Variants in TNFAIP8 observed in about 807,000 individuals in gnomAD.
TNFAIP8 encodes tumor necrosis factor alpha-induced protein 8.
A neutral mutation model predicts 13.3 loss-of-function variants in TNFAIP8; 7 were observed. The ratio of observed to expected loss-of-function variants is 0.52; its 90% confidence interval spans 0.30 to 0.99. The LOEUF (loss-of-function observed/expected upper bound fraction) is 0.99, where lower values mean the gene tolerates loss of function less well. Among genes scored for constraint, TNFAIP8 ranks in the 50% least tolerant of loss-of-function variants. The pLI is 0.07. For missense variants in TNFAIP8, 258 were observed against 236.9 expected (o/e 1.09, Z -0.58); for synonymous variants, 94 against 87.6 (o/e 1.07, Z -0.41).
At chr5:119,297,411 C>T (rs1419271136) in intron 1 of TNFAIP8, among the ~76,000 whole-genome samples, 3 of 151,876 alleles carry the variant, frequency 2.0e-5, no homozygotes, top group East Asian at 1.9e-4. Context: ...TGTAGTTGAG[C>T]GGTTTTGAGT....
At chr5:119,331,854 T>C (rs543447065) in intron 1 of TNFAIP8, among the ~76,000 whole-genome samples, 30 of 152,320 alleles carry the variant, frequency 2.0e-4, no homozygotes, top group African/African-American at 7.0e-4. Context: ...TTCCACTGTT[T>C]AGATGCAGTA....
chr5:119,344,036 A>G (rs1354444673), intron 1 of TNFAIP8, among the ~76,000 whole-genome samples: 2 of 152,192 alleles, frequency 1.3e-5, no homozygotes, highest in East Asian at 3.8e-4. Context: ...ACTCACTTGC[A>G]TTGCCATTGC....
chr5:119,333,801 G>C (rs976064053), intron 1 of TNFAIP8, among the ~76,000 whole-genome samples: 1 of 152,158 alleles, frequency 6.6e-6, no homozygotes, highest in African/African-American at 2.4e-5. Flanking sequence ...TTTTGCTATG[G>C]CTCTGGGTGT....
intron 1 of TNFAIP8, among the ~76,000 whole-genome samples, chr5:119,281,985 G>GT (rs754273395): frequency 1.6e-4 from 24 of 152,136 alleles, no homozygotes; most frequent in Non-Finnish European, 3.5e-4. Context: ...TTCTTCTGAC[G>GT]TAAACTATTG....
chr5:119,378,039 A>C (rs561751642), intron 1 of TNFAIP8, among the ~76,000 whole-genome samples: 1 of 152,324 alleles, frequency 6.6e-6, no homozygotes, highest in South Asian at 2.1e-4. Context: ...ACGTGGGCCC[A>C]TTTGGTCAGA....
chr5:119,317,296 A>G (rs1164527416), intron 1 of TNFAIP8, among the ~76,000 whole-genome samples: 1 of 152,148 alleles, frequency 6.6e-6, no homozygotes, highest in East Asian at 1.9e-4. Flanking sequence ...TAGCCAAAAT[A>G]AATAATTTTT....
chr5:119,342,918 A>G (rs933620186), intron 1 of TNFAIP8, among the ~76,000 whole-genome samples: 3 of 152,208 alleles, frequency 2.0e-5, no homozygotes, highest in African/African-American at 7.2e-5. Flanking sequence ...TGGAATTCCC[A>G]TCTGGGATTT....
At chr5:119,270,624 C>G (rs1251578069) in intron 1 of TNFAIP8, among the ~76,000 whole-genome samples, 1 of 152,208 alleles carries the variant, frequency 6.6e-6, no homozygotes, top group African/African-American at 2.4e-5. Context: ...GTCCTCCATA[C>G]ACATTAATTG....
In TNFAIP8 at chr5:119,397,876, A is replaced by G. The variant is rs1156442339; in HGVS notation, c.*4495A>G. ...TCTCAGGGAAATTCCAGAAATGGAA[A>G]CATTTTTGTGTAATATTGATTCATT... On this transcript the variant is annotated 3_prime_UTR_variant, in exon 2 of 2. Transcript: ENST00000504771. 1 of 152,220 alleles carries G rather than the reference A, an allele frequency of 6.6e-6. No homozygotes were observed. Among genetic ancestry groups the G allele is most frequent in the Non-Finnish European group, 1.5e-5 (1 of 68,040 alleles). 9.4% of individuals were successfully genotyped at this position (152,220 alleles called of 1,614,324 possible).
intron 1 of TNFAIP8, among the ~76,000 whole-genome samples, chr5:119,276,031 A>G (rs1200148425): frequency 6.6e-6 from 1 of 152,048 alleles, no homozygotes; most frequent in Non-Finnish European, 1.5e-5. Flanking sequence ...GACAGGTGGC[A>G]GGGGCAGAGG....
At chr5:119,292,645 CATATATATATAT>C (rs56896742) in intron 1 of TNFAIP8, among the ~76,000 whole-genome samples, 954 of 32,832 alleles carry the variant, frequency 0.029, 88 homozygotes, top group Middle Eastern at 0.12. Flanking sequence ...ATCAATGTAG[CATATATATATAT>C]ATATATATAT....
At chr5:119,316,791 C>A (rs758286539) in intron 1 of TNFAIP8, among the ~76,000 whole-genome samples, 2 of 152,322 alleles carry the variant, frequency 1.3e-5, no homozygotes, top group African/African-American at 2.4e-5. Context: ...TGGCTCTCAA[C>A]TGGGGGCAGT....
intron 1 of TNFAIP8, among the ~76,000 whole-genome samples, chr5:119,297,792 G>C (rs1345854964): frequency 6.6e-6 from 1 of 152,224 alleles, no homozygotes; most frequent in East Asian, 1.9e-4. Flanking sequence ...GGGTGCTCCT[G>C]TATTGGGCAC....
intron 1 of TNFAIP8, among the ~76,000 whole-genome samples, chr5:119,387,682 A>G (rs1478076235): frequency 6.6e-6 from 1 of 152,150 alleles, no homozygotes; most frequent in Non-Finnish European, 1.5e-5. Flanking sequence ...ATTTATCTCT[A>G]ACTTTATAAT....
upstream of TNFAIP8, among the ~76,000 whole-genome samples, chr5:119,352,578 G>A (rs1337925952): frequency 1.3e-5 from 2 of 152,132 alleles, no homozygotes; most frequent in Non-Finnish European, 2.9e-5. Context: ...CTAATTAAAA[G>A]GTACCTTGTC....
intron 1 of TNFAIP8, among the ~76,000 whole-genome samples, chr5:119,282,270 C>A (rs1187916482): frequency 1.0e-5 from 1 of 99,886 alleles, no homozygotes; most frequent in Non-Finnish European, 2.2e-5. Context: ...ATCTGCTGGA[C>A]CTTGTAAAGA....
chr5:119,292,686 A>G (rs1169914575), intron 1 of TNFAIP8, among the ~76,000 whole-genome samples: 1 of 11,378 alleles, frequency 8.8e-5, no homozygotes, highest in Admixed American at 1.2e-3. Context: ...ATATATATAT[A>G]CACACACACA....
rs1035040151 is a variant in TNFAIP8 at position 119,395,825 on chromosome 5, G to A, written c.*2444G>A. The A allele has an allele frequency of 2.0e-5, 3 of 152,174 alleles. No individual in the cohort carries two copies. Among genetic ancestry groups the A allele is most frequent in the Non-Finnish European group, 2.9e-5 (2 of 68,034 alleles). 9.4% of individuals were successfully genotyped at this position (152,174 alleles called of 1,614,324 possible). On this transcript the variant is annotated 3_prime_UTR_variant, in exon 2 of 2. Transcript: ENST00000504771. ...TGCTTAGGGTAGATAAATCTGAGCC[G>A]AGTTAATACTAATTTGGGGATCCTA...
In TNFAIP8 at chr5:119,321,664, C is replaced by T. The variant is rs191943547; in HGVS notation, c.1+52757C>T. 1.4e-4 allele frequency among the ~76,000 whole-genome samples: 21 copies of T among 152,274 alleles called. No individual in the cohort carries two copies. In the East Asian group the frequency reaches 3.5e-3, roughly 25 times the overall value. On this transcript the variant is annotated intron_variant, in intron 1 of 1. Transcript: ENST00000274456. ...TTCTTTCCACTTGCCCTAGCAAATA[C>T]GCACATCCTAAATCTCACTGCTTCT...
Sources: allele counts gnomAD v4.1 joint callset (sites outside exome capture counted in the v4.1 genomes callset), GRCh38; gene constraint gnomAD v4.1.1; transcripts MANE v1.5; gene names NCBI Gene and HGNC (gene_info 2026-07-23, HGNC 2026-07-21).